SMYD3: variants seen among roughly 807,000 people sequenced by gnomAD.
SMYD3 encodes the protein histone-lysine N-methyltransferase SMYD3.
In SMYD3, 36 loss-of-function variants were observed where a neutral mutation model predicts 57.7. That is an observed-to-expected ratio of 0.62 (90% confidence interval 0.48 to 0.82). SMYD3 has a LOEUF of 0.82. Among genes scored for constraint, SMYD3 ranks in the 40% least tolerant of loss-of-function variants. The pLI is 0.00. For missense variants in SMYD3, 515 were observed against 538.8 expected (o/e 0.96, Z 0.44); for synonymous variants, 211 against 195.0 (o/e 1.08, Z -0.68).
chr1:246,471,349 C>G (rs907279385), intron 1 of SMYD3, among the ~76,000 whole-genome samples: 4 of 152,158 alleles, frequency 2.6e-5, no homozygotes, highest in African/African-American at 9.7e-5. Context: ...CAGGCACATG[C>G]CACTACTCCC....
chr1:246,053,519 A>G (rs10924465), intron 5 of SMYD3, among the ~76,000 whole-genome samples: 9,458 of 152,262 alleles, frequency 0.062, 1,013 homozygotes, highest in African/African-American at 0.22. Flanking sequence ...AACATGGGCA[A>G]TTGATCTCCA....
At chr1:246,145,999 C>T (rs1376202400) in intron 5 of SMYD3, among the ~76,000 whole-genome samples, 2 of 152,306 alleles carry the variant, frequency 1.3e-5, no homozygotes, top group East Asian at 1.9e-4. Flanking sequence ...TTAAAGCAGG[C>T]TCAGTCATTA....
intron 1 of SMYD3, among the ~76,000 whole-genome samples, chr1:246,466,772 C>G (rs987912207): frequency 6.6e-6 from 1 of 152,124 alleles, no homozygotes; most frequent in Non-Finnish European, 1.5e-5. Flanking sequence ...CACTTGAGCC[C>G]GGGAAATCAA....
At chr1:246,436,619 C>G (rs1376171779) in intron 1 of SMYD3, among the ~76,000 whole-genome samples, 1 of 152,122 alleles carries the variant, frequency 6.6e-6, no homozygotes, top group Non-Finnish European at 1.5e-5. Context: ...GAGTAATGAT[C>G]AGTTATTTAG....
chr1:246,407,418 C>A (rs1054454874), intron 1 of SMYD3, among the ~76,000 whole-genome samples: 1 of 152,322 alleles, frequency 6.6e-6, no homozygotes. Flanking sequence ...CCAATTAGAG[C>A]CGCACATTCA....
At chr1:245,790,037 C>T (rs1178780090) in intron 10 of SMYD3, among the ~76,000 whole-genome samples, 1 of 152,176 alleles carries the variant, frequency 6.6e-6, no homozygotes, top group Non-Finnish European at 1.5e-5. Flanking sequence ...TTCCTGTCCT[C>T]ATGGATCTTA....
chr1:245,904,265 T>C (rs2054398547), intron 8 of SMYD3, among the ~76,000 whole-genome samples: 1 of 152,172 alleles, frequency 6.6e-6, no homozygotes, highest in South Asian at 2.1e-4. Flanking sequence ...GCTCTTCGTT[T>C]TCTCTCTCAT....
At chr1:246,476,862 T>G (rs2068036295) in intron 1 of SMYD3, among the ~76,000 whole-genome samples, 1 of 152,120 alleles carries the variant, frequency 6.6e-6, no homozygotes, top group South Asian at 2.1e-4. Flanking sequence ...TAAAAACAAA[T>G]ACATCAAGTA....
intron 10 of SMYD3, among the ~76,000 whole-genome samples, chr1:245,833,670 T>C (rs1156985292): frequency 6.6e-6 from 1 of 152,172 alleles, no homozygotes; most frequent in Non-Finnish European, 1.5e-5. Context: ...TAAGTTAAAT[T>C]CAACTTTGGT....
intron 8 of SMYD3, among the ~76,000 whole-genome samples, chr1:245,909,330 A>G (rs2054803170): frequency 6.6e-6 from 1 of 152,196 alleles, no homozygotes; most frequent in Non-Finnish European, 1.5e-5. Context: ...CCATCAAAGA[A>G]AAGCCTAGGA....
intron 5 of SMYD3, among the ~76,000 whole-genome samples, chr1:246,221,130 T>C (rs2063247746): frequency 6.6e-6 from 1 of 151,844 alleles, no homozygotes; most frequent in South Asian, 2.1e-4. Flanking sequence ...ACGGAACAAC[T>C]AGCCAAACAG....
chr1:245,818,603 T>C (rs1345097302), intron 10 of SMYD3, among the ~76,000 whole-genome samples: 11 of 151,746 alleles, frequency 7.2e-5, no homozygotes, highest in South Asian at 6.3e-4. Flanking sequence ...GACTGGCAAA[T>C]TGGATAAAGA....
chr1:246,098,617 G>A (rs1201102629), intron 5 of SMYD3, among the ~76,000 whole-genome samples: 1 of 152,104 alleles, frequency 6.6e-6, no homozygotes, highest in Non-Finnish European at 1.5e-5. Flanking sequence ...TTGAGGCTGA[G>A]TGACACACTT....
intron 5 of SMYD3, among the ~76,000 whole-genome samples, chr1:246,076,408 G>A (rs1406818076): frequency 6.6e-6 from 1 of 152,120 alleles, no homozygotes; most frequent in African/African-American, 2.4e-5. Flanking sequence ...ACAGAGAAGT[G>A]CTGAGTTAGG....
In SMYD3 at chr1:245,945,724, A is replaced by G. The variant is rs533644114; in HGVS notation, c.532-15787T>C. 5.3e-5 allele frequency among the ~76,000 whole-genome samples: 8 copies of G among 152,360 alleles called. No individual in the cohort carries two copies. In the East Asian group the frequency reaches 7.7e-4, roughly 15 times the overall value. On this transcript the variant is annotated intron_variant, in intron 5 of 11. Coordinates refer to ENST00000490107, the MANE Select transcript of SMYD3 (RefSeq NM_001167740.2). ...AAGACAAGGAATTAAATGTCCATCA[A>G]TAATAGACTGGATAAAAAAATCATG... is the stretch of plus-strand genomic sequence containing the variant.
chr1:246,394,949 T>C (rs1194284838), intron 1 of SMYD3, among the ~76,000 whole-genome samples: 1 of 151,784 alleles, frequency 6.6e-6, no homozygotes, highest in Non-Finnish European at 1.5e-5. Context: ...TACACTTTAT[T>C]ATATGAAAGG....
chr1:246,198,515 T>A (rs1256240969), intron 5 of SMYD3, among the ~76,000 whole-genome samples: 1 of 152,232 alleles, frequency 6.6e-6, no homozygotes, highest in Non-Finnish European at 1.5e-5. Context: ...GTACATAGTA[T>A]GTTATTCATC....
chr1:245,890,819 CTGAG>C (rs1424879467), intron 8 of SMYD3, among the ~76,000 whole-genome samples: 1 of 152,162 alleles, frequency 6.6e-6, no homozygotes, highest in Non-Finnish European at 1.5e-5. Flanking sequence ...TGGAAGCAAC[CTGAG>C]TGTCTGTTGA....
chr1:246,378,826 TAGTATATATA>T (rs1390376564), intron 1 of SMYD3, among the ~76,000 whole-genome samples: 2 of 116,216 alleles, frequency 1.7e-5, no homozygotes, highest in South Asian at 2.2e-4. Context: ...TATATTTATA[TAGTATATATA>T]ATTATATATA....
Sources: allele counts gnomAD v4.1 joint callset (sites outside exome capture counted in the v4.1 genomes callset), GRCh38; gene constraint gnomAD v4.1.1; transcripts MANE v1.5; gene names NCBI Gene and HGNC (gene_info 2026-07-23, HGNC 2026-07-21).